Variants in MACROD2 observed in about 807,000 individuals in gnomAD.
The protein encoded by MACROD2 is mono-ADP ribosylhydrolase 2.
A neutral mutation model predicts 70.4 loss-of-function variants in MACROD2; 36 were observed. That is an observed-to-expected ratio of 0.51 (90% CI 0.39 to 0.68). MACROD2 has a LOEUF of 0.68. Ranked by LOEUF, MACROD2 falls within the 30% of genes least tolerant of loss-of-function variation. The pLI, the probability that MACROD2 is intolerant of heterozygous loss-of-function variation, is 0.00. For missense variants in MACROD2, 496 were observed against 538.4 expected, an observed-to-expected ratio of 0.92 and a Z score of 0.78; for synonymous variants, 172 against 178.8, an observed-to-expected ratio of 0.96 and a Z score of 0.30.
chr20:14,838,464 A>T (rs920376546), intron 5 of MACROD2, among the ~76,000 whole-genome samples: 3 of 152,114 alleles, frequency 2.0e-5, no homozygotes, highest in African/African-American at 7.2e-5. Flanking sequence ...TCTTGTCCTC[A>T]TTATTAATGT....
intron 8 of MACROD2, among the ~76,000 whole-genome samples, chr20:15,600,424 C>T (rs1002265685): frequency 5.9e-5 from 9 of 152,122 alleles, no homozygotes; most frequent in Admixed American, 5.9e-4. Context: ...CTCTTTTAAT[C>T]GTTTTCTTAT....
intron 6 of MACROD2, among the ~76,000 whole-genome samples, chr20:15,318,649 A>C (rs894195027): frequency 1.3e-5 from 2 of 152,178 alleles, no homozygotes; most frequent in African/African-American, 4.8e-5. Flanking sequence ...TATCACAGAA[A>C]TGCCAGAGTC....
chr20:15,339,909 G>A (rs1370243585), intron 6 of MACROD2, among the ~76,000 whole-genome samples: 2 of 148,846 alleles, frequency 1.3e-5, no homozygotes, highest in African/African-American at 2.6e-5. Context: ...TAATAATGCT[G>A]CAGTGAGTGG....
chr20:14,660,072 C>T (rs1986154325), intron 4 of MACROD2, among the ~76,000 whole-genome samples: 1 of 152,158 alleles, frequency 6.6e-6, no homozygotes, highest in Non-Finnish European at 1.5e-5. Flanking sequence ...CTGTATGTTA[C>T]TTGATCCACT....
chr20:15,663,232 A>ATTTT (rs34234600), intron 8 of MACROD2, among the ~76,000 whole-genome samples: 1 of 129,832 alleles, frequency 7.7e-6, no homozygotes. Context: ...TCAGAATTTG[A>ATTTT]TTTTTTTTTT....
intron 5 of MACROD2, among the ~76,000 whole-genome samples, chr20:15,192,249 G>A (rs1416513787): frequency 6.6e-6 from 1 of 151,868 alleles, no homozygotes; most frequent in East Asian, 1.9e-4. Flanking sequence ...ATGTAACTTG[G>A]ATCACCTTCT....
At chr20:15,948,099 T>G (rs2065850387) in intron 12 of MACROD2, among the ~76,000 whole-genome samples, 1 of 152,052 alleles carries the variant, frequency 6.6e-6, no homozygotes, top group Non-Finnish European at 1.5e-5. Flanking sequence ...CTAGCTGGAT[T>G]TCCTAGGCCG....
intron 5 of MACROD2, among the ~76,000 whole-genome samples, chr20:15,035,328 T>A (rs1034919174): frequency 1.4e-4 from 22 of 152,042 alleles, no homozygotes; most frequent in Admixed American, 2.0e-4. Context: ...CACTTTTGCC[T>A]GGGAGGTCAA....
intron 4 of MACROD2, among the ~76,000 whole-genome samples, chr20:14,541,406 C>G (rs1236025788): frequency 6.6e-6 from 1 of 152,062 alleles, no homozygotes; most frequent in Non-Finnish European, 1.5e-5. Context: ...AAGTCTTCTC[C>G]GACCATCTCA....
intron 10 of MACROD2, among the ~76,000 whole-genome samples, chr20:15,903,638 G>A (rs975173187): frequency 3.3e-5 from 5 of 152,200 alleles, no homozygotes; most frequent in Admixed American, 2.0e-4. Flanking sequence ...CCCTACGATG[G>A]AGATTATATC....
At chr20:14,392,488 A>C (rs2083537122) in intron 3 of MACROD2, among the ~76,000 whole-genome samples, 1 of 152,184 alleles carries the variant, frequency 6.6e-6, no homozygotes, top group Non-Finnish European at 1.5e-5. Context: ...AGTATGCAGA[A>C]GCTGGACTTT....
At chr20:14,950,356 G>A (rs1384555316) in intron 5 of MACROD2, among the ~76,000 whole-genome samples, 2 of 152,094 alleles carry the variant, frequency 1.3e-5, no homozygotes, top group African/African-American at 2.4e-5. Flanking sequence ...CTCTTCTATT[G>A]TGGGACGTGG....
At chr20:15,284,650 C>G (rs1191577180) in intron 6 of MACROD2, among the ~76,000 whole-genome samples, 1 of 152,122 alleles carries the variant, frequency 6.6e-6, no homozygotes, top group African/African-American at 2.4e-5. Context: ...AGAGTCCTGG[C>G]CCCTTCATTT....
intron 5 of MACROD2, among the ~76,000 whole-genome samples, chr20:15,068,856 G>A (rs2075597831): frequency 6.6e-6 from 1 of 152,192 alleles, no homozygotes; most frequent in Non-Finnish European, 1.5e-5. Context: ...GATACTTGAA[G>A]ATGTGAAAGT....
At chr20:15,571,148 T>G (rs1453183182) in intron 8 of MACROD2, among the ~76,000 whole-genome samples, 1 of 152,174 alleles carries the variant, frequency 6.6e-6, no homozygotes, top group East Asian at 1.9e-4. Context: ...ACAGAAATAC[T>G]TTTTACTGAA....
chr20:15,267,521 C>T (rs1026877386), intron 6 of MACROD2, among the ~76,000 whole-genome samples: 1 of 151,358 alleles, frequency 6.6e-6, no homozygotes, highest in Non-Finnish European at 1.5e-5. Context: ...AAATAGGAGC[C>T]CAAAACCTTT....
At chr20:14,966,369 A>T (rs965131288) in intron 5 of MACROD2, among the ~76,000 whole-genome samples, 2 of 152,166 alleles carry the variant, frequency 1.3e-5, no homozygotes, top group East Asian at 1.9e-4. Context: ...TGAGCCCAGG[A>T]GTTTGACACC....
At chr20:14,068,416 C>A (rs1215136864) in intron 2 of MACROD2, among the ~76,000 whole-genome samples, 1 of 152,052 alleles carries the variant, frequency 6.6e-6, no homozygotes, top group Non-Finnish European at 1.5e-5. Flanking sequence ...CTAAGTAATA[C>A]AGGAAACAAA....
intron 6 of MACROD2, among the ~76,000 whole-genome samples, chr20:15,381,167 T>A (rs2045638434): frequency 6.6e-6 from 1 of 152,118 alleles, no homozygotes; most frequent in Non-Finnish European, 1.5e-5. Flanking sequence ...CCTCTTTTTA[T>A]TAGCAAAATT....
Sources: gnomAD v4.1 joint callset for allele counts (sites outside exome capture counted in the v4.1 genomes callset) on GRCh38, gnomAD v4.1.1 for gene constraint, MANE v1.5 for transcripts, NCBI Gene and HGNC (gene_info 2026-07-23, HGNC 2026-07-21) for gene names.